The following USP6NL variants were observed in gnomAD, a reference collection of about 807,000 sequenced individuals.
USP6NL encodes the protein USP6 N-terminal like.
Under a neutral mutation model 61.9 loss-of-function variants are expected in USP6NL, and 26 were observed. That is an observed-to-expected ratio of 0.42 (90% CI 0.31 to 0.58). The LOEUF (loss-of-function observed/expected upper bound fraction) is 0.58, where lower values mean the gene tolerates loss of function less well. Ranked by LOEUF, USP6NL falls within the 20% of genes least tolerant of loss-of-function variation. The pLI, the probability that USP6NL is intolerant of heterozygous loss-of-function variation, is 0.16. For synonymous variants in USP6NL, 432 were observed against 390.1 expected (o/e 1.11, Z -1.27); for missense variants, 1,114 against 1,034.3 (o/e 1.08, Z -1.06).
At chr10:11,484,124 TAA>T (rs1833357911) in intron 13 of USP6NL, among the ~76,000 whole-genome samples, 1 of 152,148 alleles carries the variant, frequency 6.6e-6, no homozygotes, top group South Asian at 2.1e-4. Context: ...AAGAATAACC[TAA>T]GAGAGTTGAG....
intron 2 of USP6NL, among the ~76,000 whole-genome samples, chr10:11,529,300 T>A (rs532399855): frequency 1.3e-5 from 2 of 152,186 alleles, no homozygotes; most frequent in Admixed American, 1.3e-4. Flanking sequence ...AATGGTGACA[T>A]TGCAGTTCCT....
At chr10:11,477,412 T>C (rs571520545) in intron 14 of USP6NL, among the ~76,000 whole-genome samples, 17 of 152,250 alleles carry the variant, frequency 1.1e-4, no homozygotes, top group South Asian at 2.1e-4. Flanking sequence ...AAACTAGAAA[T>C]GAATAGCTTT....
rs1185854546 is a variant in USP6NL at position 11,476,918 on chromosome 10, C to T, written c.1078+4852G>A. On this transcript the variant is annotated intron_variant, in intron 14 of 14. Coordinates refer to ENST00000609104, the MANE Select transcript of USP6NL (RefSeq NM_014688.5). The surrounding 1 kb of genome is among the most constrained non-coding windows in gnomAD (Gnocchi z 4.3). ...ACGGAGTCTTGCTCTGTCACCCAGG[C>T]TGAAGTGCAGTGGTGCGATCTTGAC... Among the ~76,000 whole-genome samples, 1 of 152,166 alleles carries T rather than the reference C, an allele frequency of 6.6e-6. No individual in the cohort carries two copies. Among genetic ancestry groups the T allele is most frequent in the Non-Finnish European group, 1.5e-5 (1 of 68,034 alleles).
chr10:11,565,013 T>A (rs779216271), intron 2 of USP6NL: 3 of 152,218 alleles, frequency 2.0e-5, no homozygotes, highest in Non-Finnish European at 4.4e-5. Flanking sequence ...AGTAGAGAAG[T>A]TGTATGATCT....
At chr10:11,608,242 G>A (rs1838769946) in intron 1 of USP6NL, among the ~76,000 whole-genome samples, 1 of 152,166 alleles carries the variant, frequency 6.6e-6, no homozygotes. Flanking sequence ...GTAATCCAAT[G>A]CAGAGTTATA....
At chr10:11,555,906 A>G (rs907860490) in intron 2 of USP6NL, among the ~76,000 whole-genome samples, 3 of 152,242 alleles carry the variant, frequency 2.0e-5, no homozygotes, top group African/African-American at 7.2e-5. Context: ...AGACATTCTG[A>G]AAGTTTCCTT....
intron 2 of USP6NL, among the ~76,000 whole-genome samples, chr10:11,586,617 T>C (rs943265807): frequency 6.6e-6 from 1 of 152,126 alleles, no homozygotes. Context: ...GAAATGTAAA[T>C]GGCTTCTTTA....
chr10:11,535,897 TA>T (rs1835813936), intron 2 of USP6NL, among the ~76,000 whole-genome samples: 1 of 152,204 alleles, frequency 6.6e-6, no homozygotes, highest in Non-Finnish European at 1.5e-5. Flanking sequence ...GAATAAAGAT[TA>T]TTTTACATGT....
At chr10:11,552,081 C>T (rs980744942) in intron 2 of USP6NL, among the ~76,000 whole-genome samples, 22 of 152,146 alleles carry the variant, frequency 1.4e-4, no homozygotes, top group African/African-American at 4.8e-4. Context: ...ATTCCCACTA[C>T]ACTATACTTC....
chr10:11,518,503 G>A lies in USP6NL; in HGVS notation c.195+32C>T, dbSNP rs756749381. ...TTCTTCTAATAAAGGCAATTCACCA[G>A]TAACTGTAAATACATCAAGAGCAGG... On this transcript the variant is annotated intron_variant, in intron 5 of 14. Coordinates refer to ENST00000609104, the MANE Select transcript of USP6NL (RefSeq NM_014688.5). The surrounding 1 kb of genome is among the most constrained non-coding windows in gnomAD (Gnocchi z 5.3). 6.3e-7 allele frequency: 1 copy of A among 1,599,160 alleles called. No homozygotes were observed. The highest frequency in any genetic ancestry group is 8.6e-7 in the Non-Finnish European group (1 of 1,169,312).
chr10:11,475,587 ACT>A (rs1832938268), intron 14 of USP6NL, among the ~76,000 whole-genome samples: 1 of 142,672 alleles, frequency 7.0e-6, no homozygotes, highest in Admixed American at 7.1e-5. Context: ...CAAGAGCAAA[ACT>A]CTGTCGCAAA....
rs1202619812 is a variant in USP6NL, at chr10:11,513,882, C to G, written c.196-4207G>C. Among the ~76,000 whole-genome samples, 3 of 152,178 alleles carry G rather than the reference C, an allele frequency of 2.0e-5. No homozygotes were observed. The highest frequency in any genetic ancestry group is 4.4e-5 in the Non-Finnish European group (3 of 68,040). On this transcript the variant is annotated intron_variant, in intron 5 of 14. Transcript: ENST00000609104. This position sits in a 1 kb window ranked among gnomAD's most constrained non-coding sequence, Gnocchi z 4.7. ...CTTTGCTGGCAGGTCCCCAAAGTGC[C>G]TTGGCCTTTGTCTCTGATGACACTG...
chr10:11,491,753 C>T lies in USP6NL; in HGVS notation c.495-873G>A, dbSNP rs1430030814. Reference sequence around the variant, plus strand: ...GAAAGTCAATGGAAAACTACCAATTCAGGCAGAACTGCTAGGTTCAGATTT... The same window carrying T: ...GAAAGTCAATGGAAAACTACCAATTTAGGCAGAACTGCTAGGTTCAGATTT... On this transcript the variant is annotated intron_variant, in intron 8 of 14. Transcript: ENST00000609104. The surrounding 1 kb of genome is among the most constrained non-coding windows in gnomAD (Gnocchi z 4.7). 1.3e-5 allele frequency among the ~76,000 whole-genome samples: 2 copies of T among 152,190 alleles called. No homozygotes were observed. Among genetic ancestry groups the T allele is most frequent in the Non-Finnish European group, 1.5e-5 (1 of 68,036 alleles).
At chr10:11,533,767 T>C (rs1835740223) in intron 2 of USP6NL, among the ~76,000 whole-genome samples, 1 of 152,216 alleles carries the variant, frequency 6.6e-6, no homozygotes, top group African/African-American at 2.4e-5. Flanking sequence ...TTGTGGTAAG[T>C]CATGTGCTGT....
intron 2 of USP6NL, among the ~76,000 whole-genome samples, chr10:11,579,927 G>A (rs545275911): frequency 6.4e-4 from 94 of 146,558 alleles, no homozygotes; most frequent in African/African-American, 2.3e-3. Flanking sequence ...CCCATAGGCT[G>A]TAGTTTGCAG....
chr10:11,477,197 A>G (rs1447510148), intron 14 of USP6NL, among the ~76,000 whole-genome samples: 1 of 152,224 alleles, frequency 6.6e-6, no homozygotes, highest in Non-Finnish European at 1.5e-5. Flanking sequence ...TGGAAAAAAG[A>G]AGAAATAAAC....
At chr10:11,560,792 C>T (rs1275871495) in intron 2 of USP6NL, among the ~76,000 whole-genome samples, 1 of 150,044 alleles carries the variant, frequency 6.7e-6, no homozygotes, top group Admixed American at 6.6e-5. Context: ...AAAATCTTTA[C>T]TCAGAACTAA....
intron 2 of USP6NL, among the ~76,000 whole-genome samples, chr10:11,544,393 T>C (rs1836193065): frequency 6.6e-6 from 1 of 152,220 alleles, no homozygotes. Flanking sequence ...CTTCTCACTG[T>C]GGAAAATATT....
rs1169093187 is a variant in USP6NL, at chr10:11,491,374, C to T, written c.495-494G>A. ...ATTCAAAGGCTGCAAGTAGGAGTGGCTCCACTCATCATTCTCTCTAGAGAT... is the reference window on the plus strand; with the variant it reads ...ATTCAAAGGCTGCAAGTAGGAGTGGTTCCACTCATCATTCTCTCTAGAGAT... On this transcript the variant is annotated intron_variant, in intron 8 of 14. Transcript: ENST00000609104. The surrounding 1 kb of genome is among the most constrained non-coding windows in gnomAD (Gnocchi z 4.7). Among the ~76,000 whole-genome samples, 1 of 152,218 alleles carries T rather than the reference C, an allele frequency of 6.6e-6. No individual in the cohort carries two copies. Among genetic ancestry groups the T allele is most frequent in the African/African-American group, 2.4e-5 (1 of 41,452 alleles).
Sources: allele counts gnomAD v4.1 joint callset (sites outside exome capture counted in the v4.1 genomes callset), GRCh38; gene constraint gnomAD v4.1.1; non-coding constraint Gnocchi (gnomAD v3.1); transcripts MANE v1.5; gene names NCBI Gene and HGNC (gene_info 2026-07-23, HGNC 2026-07-21).